SCEL: variants seen among roughly 807,000 people sequenced by gnomAD.
SCEL encodes the protein sciellin.
A neutral mutation model predicts 117.6 loss-of-function variants in SCEL; 113 were observed. The ratio of observed to expected loss-of-function variants is 0.96; its 90% CI spans 0.83 to 1.12. The LOEUF (loss-of-function observed/expected upper bound fraction) is 1.12, where lower values mean the gene tolerates loss of function less well. Among genes scored for constraint, SCEL ranks in the 50% most tolerant of loss-of-function variants. The pLI is 0.00. For synonymous variants in SCEL, 270 were observed against 256.2 expected (o/e 1.05, Z -0.51); for missense variants, 785 against 810.8 (o/e 0.97, Z 0.39).
rs529777842 is a variant in SCEL, at chr13:77,576,777, T to G, written c.545+4588T>G. 3.9e-5 allele frequency among the ~76,000 whole-genome samples: 6 copies of G among 152,364 alleles called. No individual in the cohort carries two copies. The South Asian group carries it at 1.0e-3, about 26-fold the overall frequency. The stretch of plus-strand genomic sequence containing the variant: ...AGTCTTCCTATTCATGAACATGGAA[T>G]GTTTTTCCAATTTTTTGTGTCCTCT... On this transcript the variant is annotated intron_variant, in intron 9 of 32. Transcript: ENST00000349847.
intron 8 of SCEL, among the ~76,000 whole-genome samples, chr13:77,571,895 G>A (rs911103326): frequency 6.6e-6 from 1 of 152,100 alleles, no homozygotes; most frequent in Non-Finnish European, 1.5e-5. Flanking sequence ...TAAAAGAGAT[G>A]TCCACGTTAC....
At chr13:77,616,154 AT>A (rs2089022614) in intron 24 of SCEL, among the ~76,000 whole-genome samples, 1 of 151,786 alleles carries the variant, frequency 6.6e-6, no homozygotes, top group Non-Finnish European at 1.5e-5. Flanking sequence ...GGTAAATTAA[AT>A]TTTTGTGCTC....
Position 77,568,298 on chromosome 13 carries a change from C to A in SCEL, c.363C>A (p.Ser121Arg). 3 of 1,563,734 alleles carry A rather than the reference C, an allele frequency of 1.9e-6. No individual in the cohort carries two copies. The highest frequency in any genetic ancestry group is 2.6e-6 in the Non-Finnish European group (3 of 1,139,712). Reference protein sequence around the residue: ...NTLDNQLTNRSMSMFRSLEVT... With the variant: ...NTLDNQLTNRRMSMFRSLEVT... ...TGCTTTCTTTCTCTCTTACCAGGAG[C>A]ATGTCCATGTTTAGATCACTGGAAG... The change falls in exon 7 of 33, where the codon AGC (serine) becomes AGA (arginine). Residue 121 changes from serine to arginine, a missense_variant. Transcript: ENST00000349847.
Position 77,608,040 on chromosome 13 carries a change from C to T in SCEL, c.1158-16C>T. 1 of 1,598,878 alleles carries T rather than the reference C, an allele frequency of 6.3e-7. No individual in the cohort carries two copies. The highest frequency in any genetic ancestry group is 8.5e-7 in the Non-Finnish European group (1 of 1,172,174). On this transcript the variant is annotated splice_polypyrimidine_tract_variant and intron_variant, in intron 19 of 32. Coordinates refer to ENST00000349847, the MANE Select transcript of SCEL (RefSeq NM_144777.3). ...TACGTGTTGTCAATCTTAACCATTT[C>T]TTCAATGTTTTAAAGGGGCCAGAGC...
At chr13:77,601,283 C>A (rs908698962) in intron 15 of SCEL, among the ~76,000 whole-genome samples, 2 of 152,086 alleles carry the variant, frequency 1.3e-5, no homozygotes, top group African/African-American at 4.8e-5. Context: ...GATTTATAAT[C>A]TGGGATAATT....
intron 1 of SCEL, among the ~76,000 whole-genome samples, chr13:77,552,628 C>G (rs1363753605): frequency 6.6e-6 from 1 of 152,094 alleles, no homozygotes; most frequent in Non-Finnish European, 1.5e-5. Flanking sequence ...TGAAAATTTT[C>G]TCCCATTCTG....
At chr13:77,578,646 G>A (rs1214890663) in intron 9 of SCEL, among the ~76,000 whole-genome samples, 1 of 152,158 alleles carries the variant, frequency 6.6e-6, no homozygotes, top group Non-Finnish European at 1.5e-5. Flanking sequence ...AAGGAAAGAA[G>A]TAACACAATG....
chr13:77,539,022 C>T (rs913732949), intron 1 of SCEL, among the ~76,000 whole-genome samples: 52 of 152,282 alleles, frequency 3.4e-4, no homozygotes, highest in Middle Eastern at 3.4e-3. Flanking sequence ...TGCCCTCTCC[C>T]CAGTTCTCCC....
chr13:77,630,845 T>C (rs1359075323), intron 28 of SCEL, among the ~76,000 whole-genome samples: 3 of 152,250 alleles, frequency 2.0e-5, no homozygotes, highest in African/African-American at 7.2e-5. Context: ...TTTGTTTCAA[T>C]GGAGGATAAC....
intron 11 of SCEL, among the ~76,000 whole-genome samples, chr13:77,593,119 A>G (rs1047017786): frequency 6.6e-6 from 1 of 152,102 alleles, no homozygotes; most frequent in Non-Finnish European, 1.5e-5. Flanking sequence ...TTTACTTGTC[A>G]GTTAAATGGA....
intron 10 of SCEL, among the ~76,000 whole-genome samples, 191 bp downstream of exon 10, chr13:77,589,415 T>C (rs2086745005): frequency 6.6e-6 from 1 of 152,204 alleles, no homozygotes; most frequent in Non-Finnish European, 1.5e-5. Flanking sequence ...TGAATACTAA[T>C]GGCTAACTTG....
intron 9 of SCEL, among the ~76,000 whole-genome samples, chr13:77,584,581 G>A (rs537972289): frequency 1.3e-5 from 2 of 152,122 alleles, no homozygotes; most frequent in Non-Finnish European, 2.9e-5. Flanking sequence ...ATTTTAAAAT[G>A]GAAGAAATTG....
chr13:77,555,056 A>T (rs1013017313), intron 1 of SCEL, among the ~76,000 whole-genome samples: 5 of 152,204 alleles, frequency 3.3e-5, no homozygotes, highest in Non-Finnish European at 5.9e-5. Flanking sequence ...AATAATAATA[A>T]TAATGAAGCC....
At chr13:77,604,644 G>GA (rs564122088) in intron 19 of SCEL, among the ~76,000 whole-genome samples, 162 of 152,292 alleles carry the variant, frequency 1.1e-3, no homozygotes, top group African/African-American at 3.8e-3. Flanking sequence ...GAAATTAAAT[G>GA]GGAATTTGGG....
intron 2 of SCEL, among the ~76,000 whole-genome samples, 194 bp downstream of exon 2, chr13:77,556,112 T>A (rs899844880): frequency 3.3e-5 from 5 of 152,350 alleles, no homozygotes; most frequent in Non-Finnish European, 1.5e-5. Context: ...TCAATTTTTT[T>A]AAAATTAATA....
At chr13:77,589,709 T>C (rs2086764132) in intron 10 of SCEL, among the ~76,000 whole-genome samples, 1 of 152,204 alleles carries the variant, frequency 6.6e-6, no homozygotes, top group Non-Finnish European at 1.5e-5. Flanking sequence ...ACAAATACCT[T>C]TGAGTAGTTC....
At chr13:77,600,335 G>A (rs541943282) in intron 15 of SCEL, among the ~76,000 whole-genome samples, 1 of 152,068 alleles carries the variant, frequency 6.6e-6, no homozygotes, top group South Asian at 2.1e-4. Context: ...TACCATGTTG[G>A]CCAGGCTGGT....
intron 30 of SCEL, among the ~76,000 whole-genome samples, 172 bp downstream of exon 30, chr13:77,637,366 A>C (rs1005759441): frequency 1.4e-5 from 2 of 144,258 alleles, no homozygotes; most frequent in Non-Finnish European, 3.0e-5. Context: ...ACATATATAC[A>C]TATATAAACA....
chr13:77,569,277 G>T, intron 7 of SCEL, 94 bp from the exon 8 acceptor site: 1 of 916,322 alleles, frequency 1.1e-6, no homozygotes, highest in Non-Finnish European at 1.7e-6. Context: ...CAGAGAGCAG[G>T]CAGGAATATG....
Sources: allele counts gnomAD v4.1 joint callset (sites outside exome capture counted in the v4.1 genomes callset), GRCh38; gene constraint gnomAD v4.1.1; transcripts MANE v1.5; gene names NCBI Gene and HGNC (gene_info 2026-07-23, HGNC 2026-07-21).